The following NAV3 variants were observed in gnomAD, a reference collection of about 807,000 sequenced individuals.
NAV3 encodes neuron navigator 3.
A neutral mutation model predicts 244.7 loss-of-function variants in NAV3; 87 were observed. That is an observed-to-expected ratio of 0.36 (90% CI 0.30 to 0.42). The LOEUF (loss-of-function observed/expected upper bound fraction) is 0.42. Ranked by LOEUF, NAV3 falls within the 20% of genes least tolerant of loss-of-function variation. The pLI, the probability that NAV3 is intolerant of heterozygous loss-of-function variation, is 1.00. For missense variants in NAV3, 2,663 were observed against 2,893.3 expected (o/e 0.92, Z 1.83); for synonymous variants, 1,126 against 1,042.2 (o/e 1.08, Z -1.55).
intron 2 of NAV3, among the ~76,000 whole-genome samples, chr12:77,593,258 G>T (rs935630702): frequency 3.6e-5 from 4 of 109,924 alleles, no homozygotes; most frequent in African/African-American, 1.1e-4. Flanking sequence ...GTATATATAT[G>T]TATGAGTGTG....
chr12:77,684,745 A>G (rs7955538), intron 2 of NAV3, among the ~76,000 whole-genome samples: 4,556 of 152,090 alleles, frequency 0.03, 223 homozygotes, highest in African/African-American at 0.1. Context: ...TATATAACTC[A>G]TTGCCAAGAT....
intron 2 of NAV3, among the ~76,000 whole-genome samples, chr12:77,679,791 A>C (rs903376167): frequency 1.3e-5 from 2 of 152,208 alleles, no homozygotes; most frequent in Non-Finnish European, 2.9e-5. Flanking sequence ...AGCGATCAAC[A>C]GTGTCAAGTG....
chr12:77,608,353 C>T (rs1254772792), intron 2 of NAV3, among the ~76,000 whole-genome samples: 1 of 152,082 alleles, frequency 6.6e-6, no homozygotes, highest in Non-Finnish European at 1.5e-5. Flanking sequence ...CTTTTGTGAA[C>T]TGTCAGCTTA....
At chr12:77,821,213 C>T (rs1250746408) in intron 2 of NAV3, among the ~76,000 whole-genome samples, 1 of 151,904 alleles carries the variant, frequency 6.6e-6, no homozygotes. Flanking sequence ...CTGGGTGGTT[C>T]CTAGAAAGGA....
At chr12:77,671,165 A>G (rs368527015) in intron 2 of NAV3, among the ~76,000 whole-genome samples, 3 of 152,174 alleles carry the variant, frequency 2.0e-5, no homozygotes, top group East Asian at 3.9e-4. Context: ...AGAATCAAAT[A>G]AGGAACTCAA....
intron 2 of NAV3, among the ~76,000 whole-genome samples, chr12:77,626,251 G>GAA (rs548187675): frequency 1.6e-3 from 224 of 141,856 alleles, no homozygotes; most frequent in South Asian, 1.5e-3. Flanking sequence ...AGTCAGACCA[G>GAA]AAAAAAAAAA....
At chr12:78,186,663 C>T (rs1308424524) in intron 31 of NAV3, among the ~76,000 whole-genome samples, 1 of 130,790 alleles carries the variant, frequency 7.6e-6, no homozygotes, top group Non-Finnish European at 1.8e-5. Context: ...GTAATTCTAA[C>T]AGACAATGCC....
At chr12:77,948,900 G>C (rs1205740803) in intron 3 of NAV3, among the ~76,000 whole-genome samples, 1 of 151,716 alleles carries the variant, frequency 6.6e-6, no homozygotes, top group African/African-American at 2.4e-5. Context: ...AAATAAAATA[G>C]GGAAACTCTT....
At chr12:77,892,418 A>T (rs1373031372) in intron 1 of NAV3, among the ~76,000 whole-genome samples, 4 of 143,002 alleles carry the variant, frequency 2.8e-5, no homozygotes, top group African/African-American at 1.0e-4. Context: ...GACCATTTGA[A>T]TTTTTTTTTT....
chr12:78,033,613 A>G (rs906968413), intron 9 of NAV3, among the ~76,000 whole-genome samples: 3 of 152,264 alleles, frequency 2.0e-5, no homozygotes, highest in Admixed American at 2.0e-4. Context: ...CGCTCAGAGT[A>G]AATGTGGACT....
chr12:77,843,421 T>TG lies in NAV3; in HGVS notation c.243+11717_243+11718insG, dbSNP rs1565848072. Among the ~76,000 whole-genome samples the TG allele has an allele frequency of 9.0e-3, 1,331 of 148,596 alleles. 16 individuals are homozygous for TG. Among genetic ancestry groups the TG allele is most frequent in the African/African-American group, 0.031 (1,260 of 40,514 alleles). On this transcript the variant is annotated intron_variant, in intron 1 of 39. Coordinates refer to ENST00000397909, the MANE Select transcript of NAV3 (RefSeq NM_001024383.2). ...TTTGTGTGTGTGTGTGTGTGTGTGT[T>TG]TGTGTGTGTATCTTATAGGCATTAT...
At chr12:77,852,191 G>A (rs774685852) in intron 1 of NAV3, among the ~76,000 whole-genome samples, 2 of 152,198 alleles carry the variant, frequency 1.3e-5, no homozygotes, top group African/African-American at 4.8e-5. Context: ...TAAAGTTCAC[G>A]TGTGGTAATG....
At chr12:77,929,798 ATTT>A (rs10602394) in intron 1 of NAV3, among the ~76,000 whole-genome samples, 31,859 of 105,826 alleles carry the variant, frequency 0.3, 2,812 homozygotes, top group African/African-American at 0.4. Context: ...ACGGCCAGCT[ATTT>A]TTTTTTTTTT....
At chr12:78,176,306 G>A in intron 25 of NAV3, 133 bp from the exon 26 acceptor site, 1 of 740,104 alleles carries the variant, frequency 1.4e-6, no homozygotes, top group Non-Finnish European at 2.1e-6. Flanking sequence ...GGATTTTACT[G>A]GAGTGCTTTC....
chr12:78,024,924 G>A (rs1487017547), intron 9 of NAV3, among the ~76,000 whole-genome samples: 3 of 151,514 alleles, frequency 2.0e-5, no homozygotes, highest in South Asian at 2.1e-4. Flanking sequence ...GCAGTGAGCC[G>A]AGATAGCGCC....
chr12:77,978,552 A>C (rs1868928896), intron 5 of NAV3, among the ~76,000 whole-genome samples: 1 of 152,090 alleles, frequency 6.6e-6, no homozygotes, highest in South Asian at 2.1e-4. Context: ...AACATCAAAA[A>C]GTTAACATTT....
intron 16 of NAV3, among the ~76,000 whole-genome samples, chr12:78,124,188 A>C (rs2694667): frequency 0.61 from 93,081 of 152,016 alleles, 28,778 homozygotes; most frequent in Admixed American, 0.64. Flanking sequence ...ACATTAATCC[A>C]AGATTCAGAA....
chr12:78,156,643 A>G (rs1957316058), intron 22 of NAV3, among the ~76,000 whole-genome samples: 2 of 152,132 alleles, frequency 1.3e-5, no homozygotes, highest in Non-Finnish European at 2.9e-5. Context: ...AAGGAGAATT[A>G]AAATGGAAAT....
intron 12 of NAV3, among the ~76,000 whole-genome samples, chr12:78,107,364 A>C (rs895066974): frequency 5.9e-5 from 9 of 152,288 alleles, no homozygotes; most frequent in African/African-American, 2.2e-4. Context: ...AAGTCTAGCA[A>C]GAGTTTTAGA....
Sources: gnomAD v4.1 joint callset for allele counts (sites outside exome capture counted in the v4.1 genomes callset) on GRCh38, gnomAD v4.1.1 for gene constraint, MANE v1.5 for transcripts, NCBI Gene and HGNC (gene_info 2026-07-23, HGNC 2026-07-21) for gene names.